GSG1L: variants seen among roughly 807,000 people sequenced by gnomAD.
GSG1L encodes GSG1 like, also known as germ cell-specific gene 1-like protein.
In GSG1L, 24 loss-of-function variants were observed where a neutral mutation model predicts 42.1. That is an observed-to-expected ratio of 0.57 (90% CI 0.41 to 0.80). GSG1L has a LOEUF of 0.80. Ranked by LOEUF, GSG1L falls within the 30% of genes least tolerant of loss-of-function variation. The pLI is 0.00. For missense variants in GSG1L, 445 were observed against 472.2 expected, an observed-to-expected ratio of 0.94 and a Z score of 0.53; for synonymous variants, 215 against 203.5, an observed-to-expected ratio of 1.06 and a Z score of -0.48.
intron 2 of GSG1L, among the ~76,000 whole-genome samples, chr16:27,930,697 C>T (rs2084646740): frequency 6.6e-6 from 1 of 152,142 alleles, no homozygotes; most frequent in African/African-American, 2.4e-5. Flanking sequence ...ATAGTAGGTC[C>T]TTAAAGGATG....
At chr16:27,808,068 G>A (rs551752869) in intron 5 of GSG1L, among the ~76,000 whole-genome samples, 6 of 152,082 alleles carry the variant, frequency 3.9e-5, no homozygotes, top group African/African-American at 1.2e-4. Context: ...GCTCTTCTTC[G>A]CTAAGCAGCA....
At chr16:27,848,315 T>C (rs2083466193) in intron 3 of GSG1L, among the ~76,000 whole-genome samples, 1 of 152,198 alleles carries the variant, frequency 6.6e-6, no homozygotes, top group South Asian at 2.1e-4. Context: ...AAGTGTTTAC[T>C]GAATGAATAA....
intron 3 of GSG1L, among the ~76,000 whole-genome samples, chr16:27,854,883 G>A (rs1412319361): frequency 1.3e-5 from 2 of 152,118 alleles, no homozygotes; most frequent in African/African-American, 2.4e-5. Flanking sequence ...ATCCAGGAGA[G>A]CGGGGAAAGC....
chr16:28,012,038 C>T (rs2085725840), intron 1 of GSG1L, among the ~76,000 whole-genome samples: 2 of 152,018 alleles, frequency 1.3e-5, no homozygotes, highest in South Asian at 4.1e-4. Context: ...GAGAGTTCCC[C>T]TCAGCTCAAC....
chr16:27,876,602 G>T (rs750490709), intron 3 of GSG1L, among the ~76,000 whole-genome samples: 1 of 152,176 alleles, frequency 6.6e-6, no homozygotes, highest in Non-Finnish European at 1.5e-5. Flanking sequence ...CTGGTACCAG[G>T]CCCAGGGGAG....
intron 1 of GSG1L, among the ~76,000 whole-genome samples, chr16:27,991,266 T>C (rs2085452829): frequency 6.6e-6 from 1 of 152,232 alleles, no homozygotes; most frequent in African/African-American, 2.4e-5. Flanking sequence ...AAAGGAGAAC[T>C]GGGTTTTAAT....
At chr16:27,947,770 T>C (rs1399982258) in intron 2 of GSG1L, among the ~76,000 whole-genome samples, 2 of 152,192 alleles carry the variant, frequency 1.3e-5, no homozygotes, top group East Asian at 1.9e-4. Flanking sequence ...GCATACTTCA[T>C]ATGCTCAGTC....
intron 2 of GSG1L, among the ~76,000 whole-genome samples, chr16:27,951,751 C>T (rs951271169): frequency 1.6e-4 from 24 of 152,148 alleles, no homozygotes; most frequent in African/African-American, 5.6e-4. Context: ...GATCTATGCA[C>T]GTTTCAGTTC....
chr16:27,933,754 T>C (rs2084682267), intron 2 of GSG1L, among the ~76,000 whole-genome samples: 1 of 151,576 alleles, frequency 6.6e-6, no homozygotes, highest in African/African-American at 2.4e-5. Flanking sequence ...GGAAGAAAAT[T>C]TGCCACTATC....
chr16:27,830,717 G>C (rs547399492), intron 4 of GSG1L, among the ~76,000 whole-genome samples: 2 of 152,188 alleles, frequency 1.3e-5, no homozygotes, highest in Non-Finnish European at 2.9e-5. Flanking sequence ...ACCATCTGGT[G>C]AAAGCTGGTC....
At chr16:28,062,960 T>A in intron 1 of GSG1L, 116 bp downstream of exon 1, 1 of 1,191,894 alleles carries the variant, frequency 8.4e-7, no homozygotes, top group Non-Finnish European at 1.0e-6. Flanking sequence ...GGCGGAGCGC[T>A]GGGAGCTGGG....
At chr16:27,844,871 ACT>A in intron 4 of GSG1L, 77 bp downstream of exon 4, 2 of 77,976 alleles carry the variant, frequency 2.6e-5, no homozygotes, top group African/African-American at 1.7e-4. Flanking sequence ...CCCCCACCCC[ACT>A]GGGCTGAGCT....
chr16:27,962,271 G>A (rs564625089), intron 2 of GSG1L, among the ~76,000 whole-genome samples: 4 of 152,334 alleles, frequency 2.6e-5, no homozygotes, highest in Admixed American at 2.6e-4. Context: ...CCTTCTAGCT[G>A]GGTGTGACCA....
intron 2 of GSG1L, among the ~76,000 whole-genome samples, chr16:27,925,182 G>A (rs567413895): frequency 6.6e-6 from 1 of 152,308 alleles, no homozygotes; most frequent in Non-Finnish European, 1.5e-5. Context: ...CATCCAACTT[G>A]GAGGACCAAT....
At chr16:27,791,881 A>G (rs1454013105) in intron 6 of GSG1L, among the ~76,000 whole-genome samples, 1 of 151,660 alleles carries the variant, frequency 6.6e-6, no homozygotes, top group Non-Finnish European at 1.5e-5. Context: ...CTACCACCCA[A>G]TAACACACCT....
At chr16:27,922,201 C>T (rs1457911979) in intron 2 of GSG1L, among the ~76,000 whole-genome samples, 1 of 152,142 alleles carries the variant, frequency 6.6e-6, no homozygotes, top group Non-Finnish European at 1.5e-5. Flanking sequence ...ATTCCTCCAT[C>T]TCTCTTGTGG....
chr16:27,931,811 G>C (rs565309524), intron 2 of GSG1L, among the ~76,000 whole-genome samples: 1 of 152,182 alleles, frequency 6.6e-6, no homozygotes, highest in African/African-American at 2.4e-5. Flanking sequence ...ATCACTAAGA[G>C]AACAGACAGG....
At chr16:27,995,767 C>T (rs2085508533) in intron 1 of GSG1L, among the ~76,000 whole-genome samples, 2 of 152,164 alleles carry the variant, frequency 1.3e-5, no homozygotes, top group South Asian at 4.2e-4. Context: ...CCACCTCAGC[C>T]TCCCAAGTAG....
intron 1 of GSG1L, among the ~76,000 whole-genome samples, chr16:27,973,467 A>AG (rs2085215956): frequency 6.9e-6 from 1 of 145,228 alleles, no homozygotes; most frequent in African/African-American, 2.6e-5. Flanking sequence ...AAAAAAAAAA[A>AG]AGAGTGTGTG....
Sources: gnomAD v4.1 joint callset for allele counts (sites outside exome capture counted in the v4.1 genomes callset) on GRCh38, gnomAD v4.1.1 for gene constraint, MANE v1.5 for transcripts, NCBI Gene and HGNC (gene_info 2026-07-23, HGNC 2026-07-21) for gene names.